The following TENM2 variants were observed in gnomAD, a reference collection of about 807,000 sequenced individuals.
The protein encoded by TENM2 is teneurin transmembrane protein 2.
In TENM2, 52 loss-of-function variants were observed where a neutral mutation model predicts 245.2. The ratio of observed to expected loss-of-function variants is 0.21; its 90% CI spans 0.17 to 0.27. The LOEUF is 0.27. Ranked by LOEUF, TENM2 falls within the 10% of genes least tolerant of loss-of-function variation. TENM2 has a pLI of 1.00. For missense variants in TENM2, 3,046 were observed against 3,666.8 expected (o/e 0.83, Z 4.37); for synonymous variants, 1,363 against 1,438.9 (o/e 0.95, Z 1.19).
At chr5:167,984,870 T>C (rs1783119360) in intron 4 of TENM2, among the ~76,000 whole-genome samples, 1 of 152,154 alleles carries the variant, frequency 6.6e-6, no homozygotes, top group African/African-American at 2.4e-5. Flanking sequence ...CCACGTTCCA[T>C]GTCTCTGTCT....
intron 12 of TENM2, among the ~76,000 whole-genome samples, chr5:168,161,744 A>G (rs951510465): frequency 6.6e-6 from 1 of 151,632 alleles, no homozygotes; most frequent in African/African-American, 2.4e-5. Context: ...GCTGGCTGCA[A>G]TTGTTTTGGG....
intron 1 of TENM2, among the ~76,000 whole-genome samples, chr5:167,311,578 C>T (rs1282247109): frequency 6.6e-6 from 1 of 152,072 alleles, no homozygotes; most frequent in Non-Finnish European, 1.5e-5. Flanking sequence ...ATCTTTTTCC[C>T]AATGGAATTT....
At chr5:168,140,494 A>C (rs1407966857) in intron 12 of TENM2, among the ~76,000 whole-genome samples, 3 of 152,114 alleles carry the variant, frequency 2.0e-5, no homozygotes, top group Non-Finnish European at 4.4e-5. Context: ...CCAGCAAACC[A>C]AGCCAGTGAC....
At chr5:167,844,846 C>CAAAA (rs34170173) in intron 2 of TENM2, among the ~76,000 whole-genome samples, 18 of 136,188 alleles carry the variant, frequency 1.3e-4, no homozygotes, top group African/African-American at 4.6e-4. Context: ...TGGTAGTGGC[C>CAAAA]AAAAAAAAAA....
intron 3 of TENM2, among the ~76,000 whole-genome samples, chr5:167,887,313 C>A (rs1774365537): frequency 6.6e-6 from 1 of 152,224 alleles, no homozygotes; most frequent in Admixed American, 6.5e-5. Context: ...TTTTGTGTCC[C>A]TTAGCACATG....
chr5:167,995,646 A>G (rs1562029098), intron 5 of TENM2, among the ~76,000 whole-genome samples: 1 of 152,124 alleles, frequency 6.6e-6, no homozygotes. Flanking sequence ...GCCTTGACAA[A>G]CTTGTTTGCC....
At chr5:167,982,947 G>A (rs903847674) in intron 4 of TENM2, among the ~76,000 whole-genome samples, 2 of 152,174 alleles carry the variant, frequency 1.3e-5, no homozygotes, top group East Asian at 1.9e-4. Context: ...CCTTGGCTGT[G>A]TCTGAGGGTG....
chr5:168,052,163 C>T (rs1169019422), intron 6 of TENM2, among the ~76,000 whole-genome samples: 3 of 151,740 alleles, frequency 2.0e-5, no homozygotes, highest in Non-Finnish European at 4.4e-5. Flanking sequence ...TTTGGGAAGC[C>T]GATCACGAGC....
the TENM2 span, among the ~76,000 whole-genome samples, chr5:167,042,433 G>A: frequency 6.6e-6 from 1 of 152,090 alleles, no homozygotes; most frequent in Admixed American, 6.6e-5. Flanking sequence ...TTTAATAGAC[G>A]TGACTGAACT....
chr5:167,634,284 G>C (rs2150225687), intron 2 of TENM2, among the ~76,000 whole-genome samples: 1 of 152,282 alleles, frequency 6.6e-6, no homozygotes, highest in African/African-American at 2.4e-5. Context: ...GAATTCTTCT[G>C]ATATTTGGCA....
intron 2 of TENM2, among the ~76,000 whole-genome samples, chr5:167,713,222 C>T (rs184481011): frequency 2.0e-5 from 3 of 151,804 alleles, no homozygotes; most frequent in African/African-American, 2.4e-5. Flanking sequence ...TTTCCTACCC[C>T]CTACGAAGAT....
chr5:168,101,015 C>T (rs1168420657), intron 9 of TENM2, among the ~76,000 whole-genome samples: 1 of 151,890 alleles, frequency 6.6e-6, no homozygotes, highest in Admixed American at 6.6e-5. Flanking sequence ...CTGGGCTGTG[C>T]CAGGCTTAGT....
the TENM2 span, among the ~76,000 whole-genome samples, chr5:167,243,872 G>A: frequency 6.6e-6 from 1 of 152,010 alleles, no homozygotes; most frequent in Non-Finnish European, 1.5e-5. Flanking sequence ...CTGTGTCTAG[G>A]ACAAGTCTAA....
intron 12 of TENM2, among the ~76,000 whole-genome samples, chr5:168,143,858 T>G (rs1755780756): frequency 6.8e-6 from 1 of 147,948 alleles, no homozygotes; most frequent in African/African-American, 2.5e-5. Context: ...TTTTTTTTTT[T>G]TTTTTTTTGA....
chr5:167,180,830 G>A, the TENM2 span, among the ~76,000 whole-genome samples: 2 of 151,962 alleles, frequency 1.3e-5, no homozygotes, highest in African/African-American at 4.8e-5. Flanking sequence ...TCAAGCCTAG[G>A]AGGGGGAGAA....
intron 2 of TENM2, chr5:167,573,827 T>A (rs1427649494): frequency 1.0e-4 from 15 of 150,694 alleles, no homozygotes; most frequent in Admixed American, 9.9e-4. Context: ...CAGGAGGGAC[T>A]TAAAAGGGAC....
intron 2 of TENM2, among the ~76,000 whole-genome samples, chr5:167,398,606 A>C (rs569189353): frequency 6.6e-6 from 1 of 151,794 alleles, no homozygotes; most frequent in African/African-American, 2.4e-5. Flanking sequence ...TGCCCAGCTA[A>C]TTTTGGTATT....
intron 2 of TENM2, among the ~76,000 whole-genome samples, chr5:167,535,531 A>C (rs1190614231): frequency 2.6e-5 from 4 of 152,140 alleles, no homozygotes; most frequent in African/African-American, 9.7e-5. Context: ...CTTTATTCTC[A>C]TTGTGCACGC....
At chr5:167,941,778 C>T (rs533493534) in intron 3 of TENM2, among the ~76,000 whole-genome samples, 1 of 152,150 alleles carries the variant, frequency 6.6e-6, no homozygotes, top group African/African-American at 2.4e-5. Context: ...TGCTTGAGCC[C>T]AGGAATTCGA....
Sources: gnomAD v4.1 joint callset for allele counts (sites outside exome capture counted in the v4.1 genomes callset) on GRCh38, gnomAD v4.1.1 for gene constraint, MANE v1.5 for transcripts, NCBI Gene and HGNC (gene_info 2026-07-23, HGNC 2026-07-21) for gene names.